SLC24A3: variants seen among roughly 807,000 people sequenced by gnomAD.
SLC24A3 encodes sodium/potassium/calcium exchanger 3.
Under a neutral mutation model 75.8 loss-of-function variants are expected in SLC24A3, and 28 were observed. That is an observed-to-expected ratio of 0.37 (90% CI 0.27 to 0.51). The LOEUF is 0.51. Among genes scored for constraint, SLC24A3 ranks in the 20% least tolerant of loss-of-function variants. The pLI is 0.94. For synonymous variants in SLC24A3, 372 were observed against 334.1 expected (o/e 1.11, Z -1.24); for missense variants, 663 against 847.8 (o/e 0.78, Z 2.71).
intron 2 of SLC24A3, among the ~76,000 whole-genome samples, chr20:19,300,003 T>A (rs1984157760): frequency 6.6e-6 from 1 of 152,184 alleles, no homozygotes; most frequent in East Asian, 1.9e-4. Context: ...TCCAACTCAG[T>A]GATGCTCCTT....
intron 2 of SLC24A3, among the ~76,000 whole-genome samples, chr20:19,497,789 G>T (rs1200850130): frequency 2.6e-5 from 4 of 152,128 alleles, no homozygotes; most frequent in African/African-American, 9.7e-5. Flanking sequence ...TGGGAACAAT[G>T]ATATTAACAT....
intron 3 of SLC24A3, among the ~76,000 whole-genome samples, chr20:19,569,395 T>G (rs2031013497): frequency 6.6e-6 from 1 of 152,174 alleles, no homozygotes; most frequent in South Asian, 2.1e-4. Context: ...TAAGGACTTG[T>G]TCATGTCCCT....
At chr20:19,505,894 T>A (rs1988455869) in intron 2 of SLC24A3, among the ~76,000 whole-genome samples, 1 of 152,214 alleles carries the variant, frequency 6.6e-6, no homozygotes, top group Admixed American at 6.5e-5. Context: ...GGGCCTGGTA[T>A]TGATGTCTTG....
intron 4 of SLC24A3, among the ~76,000 whole-genome samples, chr20:19,584,395 A>G (rs1297475389): frequency 6.6e-6 from 1 of 152,146 alleles, no homozygotes; most frequent in Non-Finnish European, 1.5e-5. Flanking sequence ...ATAACCTCCT[A>G]AAGACTCACA....
rs958391004 is a variant in SLC24A3, at chr20:19,572,409, G to A, written c.349-7591G>A. ...AGCCAGCAATGCAACATAATATTCTGGGCACCTGAAGCTTAATTCAGCTGG... is the reference window on the plus strand; with the variant it reads ...AGCCAGCAATGCAACATAATATTCTAGGCACCTGAAGCTTAATTCAGCTGG... On this transcript the variant is annotated intron_variant, in intron 3 of 16. Transcript: ENST00000328041. Among the ~76,000 whole-genome samples the A allele has an allele frequency of 4.6e-5, 7 of 152,120 alleles. No individual in the cohort carries two copies. The East Asian group carries it at 1.3e-3, about 29-fold the overall frequency.
intron 1 of SLC24A3, among the ~76,000 whole-genome samples, chr20:19,242,037 G>A (rs1040064359): frequency 1.3e-5 from 2 of 152,164 alleles, no homozygotes; most frequent in Non-Finnish European, 1.5e-5. Flanking sequence ...AAAAGTGACT[G>A]GCTCCAGCAC....
chr20:19,497,492 T>G (rs1394555983), intron 2 of SLC24A3, among the ~76,000 whole-genome samples: 1 of 152,226 alleles, frequency 6.6e-6, no homozygotes, highest in Non-Finnish European at 1.5e-5. Context: ...TAATGTACTG[T>G]GAAATGTAAT....
chr20:19,213,078 C>T (rs1047902584), intron 1 of SLC24A3, 94 bp downstream of exon 1: 11 of 1,128,928 alleles, frequency 9.7e-6, no homozygotes, highest in Middle Eastern at 7.3e-4. Flanking sequence ...GCGGCCCGGC[C>T]GGAGCCCCAG....
intron 2 of SLC24A3, among the ~76,000 whole-genome samples, chr20:19,419,270 T>C (rs1391460896): frequency 6.6e-6 from 1 of 152,136 alleles, no homozygotes; most frequent in Non-Finnish European, 1.5e-5. Context: ...AAGCAGACAT[T>C]TGTGCTTCCT....
intron 6 of SLC24A3, among the ~76,000 whole-genome samples, chr20:19,605,017 T>C (rs942990): frequency 0.52 from 79,499 of 152,036 alleles, 22,240 homozygotes; most frequent in Admixed American, 0.62. Context: ...CTGGGTACCA[T>C]TTCCCTTCCA....
intron 3 of SLC24A3, among the ~76,000 whole-genome samples, chr20:19,556,576 G>GAA (rs10591708): frequency 3.1e-5 from 4 of 131,012 alleles, no homozygotes; most frequent in African/African-American, 5.7e-5. Flanking sequence ...GCCAGTGTGT[G>GAA]AAAAAAAAAA....
At chr20:19,618,369 C>T (rs1289954237) in intron 6 of SLC24A3, among the ~76,000 whole-genome samples, 2 of 152,218 alleles carry the variant, frequency 1.3e-5, no homozygotes, top group East Asian at 1.9e-4. Context: ...TTTGCCTCCT[C>T]ACCTTGCAGG....
At chr20:19,647,876 G>T (rs2032157706) in intron 6 of SLC24A3, among the ~76,000 whole-genome samples, 1 of 152,072 alleles carries the variant, frequency 6.6e-6, no homozygotes, top group Admixed American at 6.6e-5. Flanking sequence ...TTTGTCATTT[G>T]TTTTTCTCAC....
At chr20:19,635,295 T>C (rs972105608) in intron 6 of SLC24A3, among the ~76,000 whole-genome samples, 1 of 152,314 alleles carries the variant, frequency 6.6e-6, no homozygotes, top group Admixed American at 6.5e-5. Context: ...ATCCAGAGTA[T>C]GGAAATCCTT....
Position 19,585,628 on chromosome 20 carries a change from C to T in SLC24A3, c.612+84C>T, listed in dbSNP as rs1173183694. 5 of 1,336,404 alleles carry T rather than the reference C, an allele frequency of 3.7e-6. No homozygotes were observed. The African/African-American group carries it at 5.8e-5, about 16-fold the overall frequency. The allele number at this position is 1,336,404 out of a possible 1,614,324, so 82.8% of individuals were successfully genotyped here. A position where few individuals can be genotyped will look rare whatever the true frequency, so the allele number is the denominator to read the frequency against. On this transcript the variant is annotated intron_variant, in intron 6 of 16. Coordinates refer to ENST00000328041, the MANE Select transcript of SLC24A3 (RefSeq NM_020689.4). ...GGAGTTTAGGCAGGAGACTGTCTTG[C>T]TGGAACACAACTTGCATTAGGGCCC...
Position 19,212,940 on chromosome 20 carries a change from TG to T in SLC24A3, c.100del (p.Ala34ArgfsTer22). On this transcript the variant is annotated frameshift_variant, in exon 1 of 17. Coordinates refer to ENST00000328041, the MANE Select transcript of SLC24A3 (RefSeq NM_020689.4). LOFTEE classifies it high-confidence loss of function. Reference protein sequence around the residue: ...LLSQLCFLASVALLLWSLSSL... With the variant: ...LLSQLCFLASXALLLWSLSSL... ...AGCCAGCTCTGCTTCCTGGCCTCGG[TG>T]GCGCTGCTGCTCTGGTCGCTGTCGA... is the stretch of plus-strand genomic sequence containing the variant. 7.4e-7 allele frequency: 1 copy of T among 1,348,566 alleles called. No individual in the cohort carries two copies. Among genetic ancestry groups the T allele is most frequent in the South Asian group, 2.1e-5 (1 of 46,858 alleles). 83.5% of individuals were successfully genotyped at this position (1,348,566 alleles called of 1,614,324 possible). A position where few individuals can be genotyped will look rare whatever the true frequency, so the allele number is the denominator to read the frequency against.
At chr20:19,430,176 C>G (rs1470986505) in intron 2 of SLC24A3, among the ~76,000 whole-genome samples, 1 of 152,146 alleles carries the variant, frequency 6.6e-6, no homozygotes. Flanking sequence ...TAAAGGCCAC[C>G]TTTAGGGTTT....
intron 2 of SLC24A3, among the ~76,000 whole-genome samples, chr20:19,373,655 C>T (rs1379163761): frequency 6.6e-6 from 1 of 152,138 alleles, no homozygotes; most frequent in African/African-American, 2.4e-5. Flanking sequence ...CAGTCTAGCC[C>T]ACCCTATAGA....
At chr20:19,341,637 A>G (rs1985275329) in intron 2 of SLC24A3, among the ~76,000 whole-genome samples, 2 of 152,236 alleles carry the variant, frequency 1.3e-5, no homozygotes, top group South Asian at 4.1e-4. Flanking sequence ...AACTGGGCAC[A>G]GCTCCCAGCC....
Sources: gnomAD v4.1 joint callset for allele counts (sites outside exome capture counted in the v4.1 genomes callset) on GRCh38, gnomAD v4.1.1 for gene constraint, MANE v1.5 for transcripts, NCBI Gene and HGNC (gene_info 2026-07-23, HGNC 2026-07-21) for gene names.